The following RIMS2 variants were observed in gnomAD, a reference collection of about 807,000 sequenced individuals.
RIMS2 encodes regulating synaptic membrane exocytosis 2, also known as regulating synaptic membrane exocytosis protein 2.
A neutral mutation model predicts 174.4 loss-of-function variants in RIMS2; 59 were observed. The observed-to-expected ratio is 0.34, with a 90% CI of 0.27 to 0.42. The LOEUF (loss-of-function observed/expected upper bound fraction) is 0.42, where lower values mean the gene tolerates loss of function less well. Among genes scored for constraint, RIMS2 ranks in the 10% least tolerant of loss-of-function variants. RIMS2 has a pLI of 1.00. For missense variants in RIMS2, 1,620 were observed against 1,666.3 expected (o/e 0.97, Z 0.48); for synonymous variants, 606 against 572.5 (o/e 1.06, Z -0.84).
chr8:104,254,113 A>G (rs949921793), downstream of RIMS2: 2 of 152,190 alleles, frequency 1.3e-5, no homozygotes, highest in African/African-American at 2.4e-5. Flanking sequence ...GCATATTCCT[A>G]TACAAATTAT....
intron 3 of RIMS2, among the ~76,000 whole-genome samples, chr8:103,779,171 C>A (rs931566520): frequency 6.6e-6 from 1 of 152,092 alleles, no homozygotes; most frequent in African/African-American, 2.4e-5. Context: ...GGATAGTTTG[C>A]AAATATTTTC....
chr8:104,016,870 G>T (rs760327394), intron 19 of RIMS2, among the ~76,000 whole-genome samples: 2 of 151,876 alleles, frequency 1.3e-5, no homozygotes, highest in Non-Finnish European at 2.9e-5. Context: ...TTTCTGATGG[G>T]CTTCTCAATA....
At chr8:103,563,328 A>G (rs1321472553) in intron 1 of RIMS2, among the ~76,000 whole-genome samples, 1 of 152,206 alleles carries the variant, frequency 6.6e-6, no homozygotes, top group Admixed American at 6.5e-5. Context: ...TTTGCTGCTT[A>G]GAAATTTCTT....
intron 1 of RIMS2, among the ~76,000 whole-genome samples, chr8:103,535,410 T>C (rs1255265769): frequency 6.6e-6 from 1 of 152,228 alleles, no homozygotes; most frequent in African/African-American, 2.4e-5. Flanking sequence ...TGCTCAGAAA[T>C]GTGATTATTC....
intron 19 of RIMS2, among the ~76,000 whole-genome samples, chr8:104,037,494 A>G (rs1463232090): frequency 1.3e-5 from 2 of 152,186 alleles, no homozygotes; most frequent in Admixed American, 1.3e-4. Context: ...AAATGGTGGT[A>G]AGTGAGAACA....
intron 3 of RIMS2, among the ~76,000 whole-genome samples, chr8:103,831,604 C>A (rs1200517034): frequency 6.6e-6 from 1 of 152,156 alleles, no homozygotes; most frequent in African/African-American, 2.4e-5. Flanking sequence ...GATATGAAAT[C>A]TAATTTTTGT....
chr8:103,880,844 T>G (rs1442453457), intron 3 of RIMS2, among the ~76,000 whole-genome samples: 1 of 151,636 alleles, frequency 6.6e-6, no homozygotes, highest in East Asian at 1.9e-4. Flanking sequence ...TATATACTTC[T>G]GTTAAATCCT....
intron 19 of RIMS2, among the ~76,000 whole-genome samples, chr8:104,055,328 A>G (rs1250624817): frequency 6.6e-6 from 1 of 152,178 alleles, no homozygotes; most frequent in East Asian, 1.9e-4. Context: ...ATGTCATATG[A>G]CAACATAAAA....
chr8:103,788,779 T>G (rs1301176368), intron 3 of RIMS2, among the ~76,000 whole-genome samples: 1 of 152,206 alleles, frequency 6.6e-6, no homozygotes, highest in Non-Finnish European at 1.5e-5. Flanking sequence ...CAGGCCTCCT[T>G]GAGCTGTGGT....
chr8:103,600,856 AT>A (rs750613447), intron 1 of RIMS2, among the ~76,000 whole-genome samples: 4 of 151,918 alleles, frequency 2.6e-5, no homozygotes, highest in Non-Finnish European at 4.4e-5. Flanking sequence ...CCTCTCCAAC[AT>A]TTGTTATTGC....
intron 2 of RIMS2, among the ~76,000 whole-genome samples, chr8:103,712,416 G>A (rs369259221): frequency 6.6e-6 from 1 of 151,998 alleles, no homozygotes; most frequent in African/African-American, 2.4e-5. Flanking sequence ...TATGGCAAAG[G>A]CAAGGTATGC....
chr8:104,143,156 G>A (rs2098599883), intron 19 of RIMS2, among the ~76,000 whole-genome samples: 2 of 152,216 alleles, frequency 1.3e-5, no homozygotes, highest in Middle Eastern at 6.8e-3. Flanking sequence ...TATCATTTTT[G>A]TATCCGCATA....
At chr8:103,558,606 T>G (rs1403990782) in intron 1 of RIMS2, among the ~76,000 whole-genome samples, 1 of 152,156 alleles carries the variant, frequency 6.6e-6, no homozygotes, top group Non-Finnish European at 1.5e-5. Flanking sequence ...ATGAAAAAAT[T>G]TACTGGAATT....
intron 3 of RIMS2, among the ~76,000 whole-genome samples, chr8:103,868,337 G>C (rs1476790456): frequency 1.3e-5 from 2 of 151,898 alleles, no homozygotes; most frequent in Non-Finnish European, 2.9e-5. Flanking sequence ...CAGAATGAAC[G>C]TAAGGCAATA....
intron 4 of RIMS2, among the ~76,000 whole-genome samples, chr8:103,909,424 G>A (rs1281935352): frequency 1.3e-5 from 2 of 151,922 alleles, no homozygotes; most frequent in East Asian, 1.9e-4. Context: ...AAAATTTTTT[G>A]TAATTTACTT....
intron 1 of RIMS2, among the ~76,000 whole-genome samples, chr8:103,537,487 T>G (rs1432255256): frequency 6.6e-6 from 1 of 152,204 alleles, no homozygotes; most frequent in Non-Finnish European, 1.5e-5. Flanking sequence ...TCTTCAATCC[T>G]TCTGTTCTAC....
chr8:104,052,333 G>A (rs116732833), intron 19 of RIMS2, among the ~76,000 whole-genome samples: 1,598 of 152,166 alleles, frequency 0.011, 33 homozygotes, highest in African/African-American at 0.037. Context: ...GTTCTAATAT[G>A]CTAATAGAAA....
At chr8:103,761,887 G>A (rs1410799910) in intron 2 of RIMS2, among the ~76,000 whole-genome samples, 3 of 152,104 alleles carry the variant, frequency 2.0e-5, no homozygotes, top group Non-Finnish European at 2.9e-5. Flanking sequence ...CTATGGTCTC[G>A]TTAGTGTAAG....
At chr8:103,954,146 A>G (rs1196747428) in intron 14 of RIMS2, among the ~76,000 whole-genome samples, 1 of 152,176 alleles carries the variant, frequency 6.6e-6, no homozygotes, top group Non-Finnish European at 1.5e-5. Flanking sequence ...CTCCCACACA[A>G]TAATAGTGGG....
Sources: gnomAD v4.1 joint callset for allele counts (sites outside exome capture counted in the v4.1 genomes callset) on GRCh38, gnomAD v4.1.1 for gene constraint, MANE v1.5 for transcripts, NCBI Gene and HGNC (gene_info 2026-07-23, HGNC 2026-07-21) for gene names.